C8orf34: variants seen among roughly 807,000 people sequenced by gnomAD.
C8orf34 encodes the protein chromosome 8 open reading frame 34, also known as uncharacterized protein C8orf34.
In C8orf34, 65 loss-of-function variants were observed where a neutral mutation model predicts 68.3. The ratio of observed to expected loss-of-function variants is 0.95; its 90% CI spans 0.78 to 1.17. The LOEUF (loss-of-function observed/expected upper bound fraction) is 1.17, where lower values mean the gene tolerates loss of function less well. Among genes scored for constraint, C8orf34 ranks in the 50% most tolerant of loss-of-function variants. The probability of loss-of-function intolerance (pLI) is 0.00; values close to 1 mark genes in which losing one functional copy is unlikely to be tolerated. For missense variants in C8orf34, 664 were observed against 655.4 expected, an observed-to-expected ratio of 1.01 and a Z score of -0.14; for synonymous variants, 244 against 241.2, an observed-to-expected ratio of 1.01 and a Z score of -0.11.
chr8:68,339,774 TAAA>T, intron 1 of C8orf34, among the ~76,000 whole-genome samples: 1 of 152,038 alleles, frequency 6.6e-6, no homozygotes, highest in South Asian at 2.1e-4. Context: ...ATATAAACTG[TAAA>T]AAAATCAATA....
intron 1 of C8orf34, among the ~76,000 whole-genome samples, chr8:68,372,372 A>G (rs2129619823): frequency 6.6e-6 from 1 of 152,302 alleles, no homozygotes; most frequent in East Asian, 1.9e-4. Context: ...GGTTGTCAGA[A>G]CTTAAATCTC....
chr8:68,347,926 T>C (rs1806350334), intron 1 of C8orf34, among the ~76,000 whole-genome samples: 1 of 151,982 alleles, frequency 6.6e-6, no homozygotes, highest in Non-Finnish European at 1.5e-5. Flanking sequence ...GTTTACTCTG[T>C]GGATATTTTC....
At chr8:68,699,597 G>C (rs1285070485) in intron 8 of C8orf34, among the ~76,000 whole-genome samples, 6 of 152,022 alleles carry the variant, frequency 3.9e-5, no homozygotes, top group Non-Finnish European at 8.8e-5. Flanking sequence ...TGGTTTTGTC[G>C]TGAATCAATC....
chr8:68,519,438 G>A (rs1044048871), intron 5 of C8orf34, among the ~76,000 whole-genome samples: 13 of 152,164 alleles, frequency 8.5e-5, no homozygotes, highest in Non-Finnish European at 1.6e-4. Flanking sequence ...GTGACACACA[G>A]CAATTCTATT....
At chr8:68,630,989 G>A (rs1348063468) in intron 7 of C8orf34, among the ~76,000 whole-genome samples, 2 of 146,622 alleles carry the variant, frequency 1.4e-5, no homozygotes, top group Non-Finnish European at 3.0e-5. Context: ...CCCCAGCCAA[G>A]GTTCATGGCT....
At chr8:68,809,221 T>C (rs569007127) in intron 12 of C8orf34, among the ~76,000 whole-genome samples, 10 of 152,266 alleles carry the variant, frequency 6.6e-5, no homozygotes, top group African/African-American at 2.4e-4. Flanking sequence ...TCCTCTAGGG[T>C]TCTCTGCTAA....
chr8:68,713,287 T>A (rs1247154582), intron 9 of C8orf34, among the ~76,000 whole-genome samples: 2 of 151,610 alleles, frequency 1.3e-5, no homozygotes, highest in Non-Finnish European at 2.9e-5. Flanking sequence ...AAACAAGAAC[T>A]ATCCATCCCA....
intron 5 of C8orf34, among the ~76,000 whole-genome samples, chr8:68,515,061 A>C (rs1249407675): frequency 6.6e-6 from 1 of 152,182 alleles, no homozygotes; most frequent in Non-Finnish European, 1.5e-5. Context: ...GCACATGATA[A>C]AAAGTAGTTT....
In C8orf34 at chr8:68,737,468, C is replaced by T. The variant is rs995915983; in HGVS notation, c.1404+16031C>T. On this transcript the variant is annotated intron_variant, in intron 10 of 13. Transcript: ENST00000518698. ...GGCTAAATGCCTCAATTAAAAGGCA[C>T]AGAATGGTCAGCTGAATAAAGAACC... 2.0e-5 allele frequency among the ~76,000 whole-genome samples: 3 copies of T among 151,950 alleles called. No individual in the cohort carries two copies. In the East Asian group the frequency reaches 5.8e-4, roughly 29 times the overall value.
At chr8:68,744,971 G>C (rs1007315585) in intron 10 of C8orf34, among the ~76,000 whole-genome samples, 2 of 152,056 alleles carry the variant, frequency 1.3e-5, no homozygotes, top group Non-Finnish European at 2.9e-5. Flanking sequence ...AAAATGTTAA[G>C]GGCAGCCAGA....
At chr8:68,397,747 G>C (rs1436635205) in intron 1 of C8orf34, among the ~76,000 whole-genome samples, 1 of 151,890 alleles carries the variant, frequency 6.6e-6, no homozygotes, top group East Asian at 1.9e-4. Flanking sequence ...CATTCCTTTT[G>C]TCCTGTGAAC....
intron 7 of C8orf34, among the ~76,000 whole-genome samples, chr8:68,571,994 GT>G (rs1476445582): frequency 5.9e-5 from 9 of 152,148 alleles, no homozygotes; most frequent in Non-Finnish European, 8.8e-5. Flanking sequence ...GTCTACTACT[GT>G]GTATGTAGGC....
intron 10 of C8orf34, among the ~76,000 whole-genome samples, chr8:68,757,496 G>A (rs1364943256): frequency 1.3e-5 from 2 of 152,070 alleles, no homozygotes; most frequent in Non-Finnish European, 2.9e-5. Context: ...CGGGTATGAT[G>A]GCGGGCGCCT....
At chr8:68,619,417 G>C (rs573153676) in intron 7 of C8orf34, among the ~76,000 whole-genome samples, 10 of 152,292 alleles carry the variant, frequency 6.6e-5, no homozygotes, top group African/African-American at 2.2e-4. Context: ...AGGGAAACCT[G>C]AGCACGGACA....
At chr8:68,535,251 T>C (rs1815416087) in intron 7 of C8orf34, 1 of 979,050 alleles carries the variant, frequency 1.0e-6, no homozygotes, top group Admixed American at 6.2e-5. Context: ...TATAGAATCA[T>C]TGTAAGATGC....
intron 9 of C8orf34, among the ~76,000 whole-genome samples, chr8:68,716,122 G>A (rs543945746): frequency 4.2e-4 from 64 of 151,688 alleles, no homozygotes; most frequent in African/African-American, 1.3e-3. Context: ...CTATGAGGAC[G>A]AAAAGGCATA....
At position 68,663,345 on chromosome 8, in the gene C8orf34, TTC is replaced by T. The variant is rs564655714; in HGVS notation, c.1241+22836_1241+22837del. Among the ~76,000 whole-genome samples, 51 of 152,350 alleles carry T rather than the reference TTC, an allele frequency of 3.3e-4. 1 individual carries two copies. The highest frequency in any genetic ancestry group is 1.2e-3 in the African/African-American group (51 of 41,572). ...ACAGAAGATACACATGTTATTAAACTTCTGTTTGTTTTTCTCTTGTTAATTTG... is the reference window on the plus strand; with the variant it reads ...ACAGAAGATACACATGTTATTAAACTTGTTTGTTTTTCTCTTGTTAATTTG... On this transcript the variant is annotated intron_variant, in intron 8 of 13. Transcript: ENST00000518698.
chr8:68,652,907 A>G (rs1819404735), intron 8 of C8orf34, among the ~76,000 whole-genome samples: 1 of 152,176 alleles, frequency 6.6e-6, no homozygotes, highest in African/African-American at 2.4e-5. Flanking sequence ...GAAAAAGATC[A>G]GGGCAAAAAT....
At chr8:68,711,146 A>G (rs1337126269) in intron 9 of C8orf34, among the ~76,000 whole-genome samples, 1 of 152,178 alleles carries the variant, frequency 6.6e-6, no homozygotes, top group African/African-American at 2.4e-5. Flanking sequence ...GAACACACTA[A>G]GGGACAAAAG....
Sources: allele counts gnomAD v4.1 joint callset (sites outside exome capture counted in the v4.1 genomes callset), GRCh38; gene constraint gnomAD v4.1.1; transcripts MANE v1.5; gene names NCBI Gene and HGNC (gene_info 2026-07-23, HGNC 2026-07-21).